The following BDKRB2 variants were observed in gnomAD, a reference collection of about 807,000 sequenced individuals.
BDKRB2 encodes the protein bradykinin receptor B2.
Under a neutral mutation model 4.0 loss-of-function variants are expected in BDKRB2, and 6 were observed. The observed-to-expected ratio is 1.49, with a 90% CI of 0.81 to 2.93. BDKRB2 has a LOEUF of 2.93. BDKRB2 is among the 30% of genes most tolerant of loss of function. The pLI, the probability that BDKRB2 is intolerant of heterozygous loss-of-function variation, is 0.00. For synonymous variants in BDKRB2, 225 were observed against 215.3 expected (o/e 1.05, Z -0.40); for missense variants, 478 against 520.1 (o/e 0.92, Z 0.79).
At chr14:96,231,848 G>A (rs1003978223) in intron 1 of BDKRB2, among the ~76,000 whole-genome samples, 1 of 152,206 alleles carries the variant, frequency 6.6e-6, no homozygotes, top group African/African-American at 2.4e-5. Context: ...CTTTATGCAC[G>A]CATGCACGCA....
intron 1 of BDKRB2, among the ~76,000 whole-genome samples, chr14:96,235,492 T>C (rs915151666): frequency 1.3e-5 from 2 of 152,070 alleles, no homozygotes; most frequent in African/African-American, 4.8e-5. Flanking sequence ...CTCCCTGCCT[T>C]GAAGGATCAG....
intron 1 of BDKRB2, among the ~76,000 whole-genome samples, chr14:96,232,199 C>T (rs1890833379): frequency 6.6e-6 from 1 of 152,228 alleles, no homozygotes; most frequent in African/African-American, 2.4e-5. Context: ...GCATCTGACA[C>T]ACACGGACTC....
intron 1 of BDKRB2, among the ~76,000 whole-genome samples, chr14:96,209,136 C>T (rs543659955): frequency 9.8e-5 from 14 of 143,366 alleles, no homozygotes; most frequent in East Asian, 1.9e-4. Context: ...TGGTCACCCA[C>T]GCAGGTGCGG....
intron 1 of BDKRB2, chr14:96,223,155 G>C (rs1890613736): frequency 8.2e-7 from 1 of 1,220,120 alleles, no homozygotes; most frequent in African/African-American, 1.5e-5. Context: ...ACGACGAGGA[G>C]TTTGAGTATC....
intron 1 of BDKRB2, among the ~76,000 whole-genome samples, chr14:96,230,141 A>G (rs1441226151): frequency 6.6e-6 from 1 of 152,196 alleles, no homozygotes; most frequent in Non-Finnish European, 1.5e-5. Context: ...CTCAACAAAA[A>G]AAAAAAATTA....
chr14:96,205,631 C>T (rs1389419711), intron 1 of BDKRB2, among the ~76,000 whole-genome samples: 2 of 152,156 alleles, frequency 1.3e-5, no homozygotes, highest in Admixed American at 6.5e-5. Context: ...TTCCAAGCAC[C>T]GGCTTTGCAT....
rs748715230 is a variant in BDKRB2 at position 96,241,358 on chromosome 14, T to C, written c.1030T>C (p.Trp344Arg). 6.2e-7 allele frequency: 1 copy of C among 1,613,912 alleles called. No individual in the cohort carries two copies. Among genetic ancestry groups the C allele is most frequent in the Non-Finnish European group, 8.5e-7 (1 of 1,180,000 alleles). The change falls in exon 3 of 3, where the codon TGG becomes CGG. Residue 344 changes from tryptophan (W) to arginine (R), a missense_variant. Trp to Arg is a moderately radical substitution (Grantham distance 101, BLOSUM62 -3). Coordinates refer to ENST00000554311, the MANE Select transcript of BDKRB2 (RefSeq NM_001379692.1). ...IVGKRFRKKS[W>R]EVYQGVCQKG... ...GGGCAAGCGCTTCCGAAAGAAGTCT[T>C]GGGAGGTGTACCAGGGAGTGTGCCA...
At chr14:96,237,849 C>T (rs918620085) in intron 2 of BDKRB2, 2 of 1,289,172 alleles carry the variant, frequency 1.6e-6, no homozygotes, top group East Asian at 5.6e-5. Context: ...CAGGGATGGG[C>T]CAGGATCCAT....
chr14:96,241,242 AG>A lies in BDKRB2; in HGVS notation c.916del (p.Asp306ThrfsTer7). 2 of 1,613,006 alleles carry A rather than the reference AG, an allele frequency of 1.2e-6. No homozygotes were observed. Among genetic ancestry groups the A allele is most frequent in the Non-Finnish European group, 1.7e-6 (2 of 1,179,162 alleles). On this transcript the variant is annotated frameshift_variant, in exon 3 of 3. Transcript: ENST00000554311. LOFTEE classifies it low-confidence loss of function (END_TRUNC). The part of the protein sequence containing the change: ...LHRLGILSSC[Q>X]DERIIDVITQ... The stretch of plus-strand genomic sequence containing the variant: ...CGCCTCGGCATCCTCTCCAGCTGCC[AG>A]GACGAGCGCATCATCGATGTAATCA...
chr14:96,215,975 G>A (rs1174365408), intron 1 of BDKRB2, among the ~76,000 whole-genome samples: 3 of 152,332 alleles, frequency 2.0e-5, no homozygotes, highest in African/African-American at 7.2e-5. Flanking sequence ...TGCGCAGTGC[G>A]AGTGGGAGGT....
At chr14:96,226,187 A>C (rs2139783772) in intron 1 of BDKRB2, among the ~76,000 whole-genome samples, 1 of 152,232 alleles carries the variant, frequency 6.6e-6, no homozygotes, top group South Asian at 2.1e-4. Flanking sequence ...GGACATCATG[A>C]CCACCATGCA....
At chr14:96,205,930 G>A (rs117937860) in intron 1 of BDKRB2, among the ~76,000 whole-genome samples, 14 of 152,300 alleles carry the variant, frequency 9.2e-5, no homozygotes, top group African/African-American at 2.4e-4. Flanking sequence ...GTCACAGGCC[G>A]CCTGTGGCTC....
chr14:96,212,499 T>A (rs1890324544), intron 1 of BDKRB2, among the ~76,000 whole-genome samples: 1 of 151,870 alleles, frequency 6.6e-6, no homozygotes, highest in South Asian at 2.1e-4. Flanking sequence ...GTTAGAAAGG[T>A]AAAAAGCATT....
intron 1 of BDKRB2, among the ~76,000 whole-genome samples, chr14:96,212,903 C>T (rs188294484): frequency 6.6e-6 from 1 of 152,320 alleles, no homozygotes; most frequent in East Asian, 1.9e-4. Flanking sequence ...GCCTGGGATT[C>T]TACCATCTCT....
intron 2 of BDKRB2, chr14:96,237,861 C>G: frequency 7.8e-7 from 1 of 1,288,416 alleles, no homozygotes; most frequent in Non-Finnish European, 1.0e-6. Flanking sequence ...AGGATCCATC[C>G]CCTTGGCTAC....
intron 2 of BDKRB2, chr14:96,240,058 A>G (rs769064150): frequency 1.9e-6 from 2 of 1,038,472 alleles, no homozygotes; most frequent in Non-Finnish European, 2.3e-6. Context: ...CCGGTTGATA[A>G]GGAAGGAATG....
At chr14:96,227,743 C>A (rs1890732664) in intron 1 of BDKRB2, among the ~76,000 whole-genome samples, 1 of 152,238 alleles carries the variant, frequency 6.6e-6, no homozygotes, top group Non-Finnish European at 1.5e-5. Context: ...TGTGGCTACT[C>A]CTCTGTAGCC....
Position 96,244,133 on chromosome 14 carries a change from G to A in BDKRB2, c.*2629G>A, listed in dbSNP as rs977573843. On this transcript the variant is annotated 3_prime_UTR_variant, in exon 3 of 3. Coordinates refer to ENST00000554311, the MANE Select transcript of BDKRB2 (RefSeq NM_001379692.1). ...AATCATGTAAACATGTGTCTTTTCT[G>A]TAGAGCATAATAAATGGATGAGGTT... The A allele has an allele frequency of 2.5e-6, 1 of 398,506 alleles. No homozygotes were observed. The highest frequency in any genetic ancestry group is 2.1e-5 in the African/African-American group (1 of 48,624). 24.7% of individuals were successfully genotyped at this position (398,506 alleles called of 1,614,324 possible).
At chr14:96,205,135 A>T (rs1007679575) in intron 1 of BDKRB2, among the ~76,000 whole-genome samples, 176 bp downstream of exon 1, 2 of 152,084 alleles carry the variant, frequency 1.3e-5, no homozygotes, top group Non-Finnish European at 2.9e-5. Context: ...GATGGGGAGA[A>T]GGGTTCCCAG....
Sources: allele counts gnomAD v4.1 joint callset (sites outside exome capture counted in the v4.1 genomes callset), GRCh38; gene constraint gnomAD v4.1.1; transcripts MANE v1.5; gene names NCBI Gene and HGNC (gene_info 2026-07-23, HGNC 2026-07-21).